Variants in NSMCE1 observed in about 807,000 individuals in gnomAD.
The protein encoded by NSMCE1 is NSE1 component of SMC5/6 complex.
Under a neutral mutation model 29.6 loss-of-function variants are expected in NSMCE1, and 18 were observed. The observed-to-expected ratio is 0.61, with a 90% CI of 0.42 to 0.90. The LOEUF (loss-of-function observed/expected upper bound fraction) is 0.90. Ranked by LOEUF, NSMCE1 falls within the 40% of genes least tolerant of loss-of-function variation. The pLI is 0.00. For missense variants in NSMCE1, 314 were observed against 343.6 expected (o/e 0.91, Z 0.68); for synonymous variants, 124 against 133.4 (o/e 0.93, Z 0.49).
At chr16:27,251,159 A>AAAATATATATATATAT (rs1474447881) in intron 2 of NSMCE1, among the ~76,000 whole-genome samples, 2 of 65,780 alleles carry the variant, frequency 3.0e-5, no homozygotes, top group African/African-American at 8.5e-5. Flanking sequence ...AATTATTTAA[A>AAAATATATATATATAT]ATATATATAT....
chr16:27,243,010 T>C (rs1006766908), intron 2 of NSMCE1, among the ~76,000 whole-genome samples: 3 of 152,198 alleles, frequency 2.0e-5, no homozygotes, highest in Non-Finnish European at 2.9e-5. Flanking sequence ...ACAAATCTGA[T>C]GCCTACAGAG....
chr16:27,226,050 A>G, intron 6 of NSMCE1: 1 of 551,462 alleles, frequency 1.8e-6, no homozygotes, highest in Non-Finnish European at 3.2e-6. Context: ...GTTTTACTAA[A>G]CAATTCTGAA....
intron 2 of NSMCE1, among the ~76,000 whole-genome samples, chr16:27,247,560 A>G (rs77183237): frequency 0.021 from 3,247 of 152,158 alleles, 115 homozygotes; most frequent in African/African-American, 0.073. Context: ...TCCCTCCTCT[A>G]TGCCATCCCC....
At chr16:27,251,203 T>TAAAA (rs2084031108) in intron 2 of NSMCE1, among the ~76,000 whole-genome samples, 1 of 73,094 alleles carries the variant, frequency 1.4e-5, no homozygotes, top group Non-Finnish European at 2.6e-5. Flanking sequence ...TATATATATA[T>TAAAA]ATATAAAACT....
At chr16:27,231,768 G>A (rs1378528791) in intron 5 of NSMCE1, among the ~76,000 whole-genome samples, 1 of 152,116 alleles carries the variant, frequency 6.6e-6, no homozygotes, top group Non-Finnish European at 1.5e-5. Context: ...CTGTGACAAA[G>A]CCATTGATGG....
intron 5 of NSMCE1, among the ~76,000 whole-genome samples, chr16:27,229,562 G>A (rs930579533): frequency 5.9e-5 from 9 of 152,158 alleles, no homozygotes; most frequent in African/African-American, 1.2e-4. Context: ...ACTGAGGCAG[G>A]AGCTGCATTT....
intron 5 of NSMCE1, 86 bp from the exon 6 acceptor site, chr16:27,226,922 A>G: frequency 2.4e-6 from 2 of 849,772 alleles, no homozygotes; most frequent in East Asian, 2.4e-5. Context: ...CCCACAGCCC[A>G]GTGCTCAGGA....
At chr16:27,265,924 T>G (rs538734141) in intron 1 of NSMCE1, among the ~76,000 whole-genome samples, 1 of 152,276 alleles carries the variant, frequency 6.6e-6, no homozygotes, top group African/African-American at 2.4e-5. Flanking sequence ...GCGGTGGTTA[T>G]CTTTGAGGAG....
chr16:27,241,777 A>C (rs1455039870), intron 2 of NSMCE1: 5 of 431,314 alleles, frequency 1.2e-5, no homozygotes, highest in African/African-American at 8.1e-5. Flanking sequence ...CATTCACTAC[A>C]CGCTGCAGCG....
rs771047011 is a variant in NSMCE1 at position 27,225,014 on chromosome 16, G to T, written c.*143C>A. ...CGGGCTGCAGCAACTTCCCAGGATG[G>T]TTTATTCCAAAGCTGTGGACGGTGA... On this transcript the variant is annotated 3_prime_UTR_variant, in exon 8 of 8. Transcript: ENST00000361439. 6 of 612,308 alleles carry T rather than the reference G, an allele frequency of 9.8e-6. No homozygotes were observed. The highest frequency in any genetic ancestry group is 5.6e-5 in the African/African-American group (3 of 54,038). The allele number at this position is 612,308 out of a possible 1,614,324, so 37.9% of individuals were successfully genotyped here.
At chr16:27,244,894 G>A (rs1027412350) in intron 2 of NSMCE1, among the ~76,000 whole-genome samples, 10 of 152,212 alleles carry the variant, frequency 6.6e-5, no homozygotes, top group Non-Finnish European at 1.5e-4. Flanking sequence ...TCCACGAACC[G>A]AGGAAGATGT....
chr16:27,253,188 C>T (rs2084052990), intron 2 of NSMCE1, among the ~76,000 whole-genome samples: 1 of 152,158 alleles, frequency 6.6e-6, no homozygotes, highest in African/African-American at 2.4e-5. Flanking sequence ...ATTATCAAAT[C>T]CAAAGAGGGA....
Position 27,225,843 on chromosome 16 carries a change from G to T in NSMCE1, c.604C>A (p.Gln202Lys). Reference protein sequence around the residue: ...NICHSLLIQGQSCETCGIRMH... With the variant: ...NICHSLLIQGKSCETCGIRMH... The stretch of plus-strand genomic sequence containing the variant: ...CTGATCCCACAGGTTTCGCAGCTTT[G>T]ACCCTGAAACAGGAAAGGCCAATGA... Residue 202 changes from glutamine (Q) to lysine (K), a missense_variant, in exon 7 of 8, where the codon CAA becomes AAA. Coordinates refer to ENST00000361439, the MANE Select transcript of NSMCE1 (RefSeq NM_145080.4). 2 of 1,614,032 alleles carry T rather than the reference G, an allele frequency of 1.2e-6. No individual in the cohort carries two copies. Among genetic ancestry groups the T allele is most frequent in the South Asian group, 2.2e-5 (2 of 91,052 alleles).
At chr16:27,236,325 G>C (rs2083824900) in intron 2 of NSMCE1, among the ~76,000 whole-genome samples, 1 of 130,984 alleles carries the variant, frequency 7.6e-6, no homozygotes, top group Non-Finnish European at 1.5e-5. Context: ...TTGAGACAGA[G>C]TCTTGCTCTC....
intron 2 of NSMCE1, among the ~76,000 whole-genome samples, chr16:27,252,022 T>C (rs2084040411): frequency 6.6e-6 from 1 of 152,182 alleles, no homozygotes; most frequent in Admixed American, 6.5e-5. Context: ...AGAAACTTTC[T>C]AAAGGCACTG....
At chr16:27,254,384 T>C (rs910080737) in intron 2 of NSMCE1, among the ~76,000 whole-genome samples, 30 of 152,312 alleles carry the variant, frequency 2.0e-4, no homozygotes, top group African/African-American at 7.2e-4. Flanking sequence ...TACAGGACTT[T>C]CCTAAATTAG....
chr16:27,226,946 T>TTTTCTTGTGTCTTTTC (rs1279345993), intron 5 of NSMCE1, 110 bp from the exon 6 acceptor site: 9 of 719,424 alleles, frequency 1.3e-5, no homozygotes, highest in Admixed American at 2.2e-5. Flanking sequence ...CACAAGGGTC[T>TTTTCTTGTGTCTTTTC]ACGCAGCTTT....
chr16:27,254,555 C>T (rs764041776), intron 2 of NSMCE1, among the ~76,000 whole-genome samples: 8 of 152,130 alleles, frequency 5.3e-5, no homozygotes, highest in East Asian at 1.9e-4. Flanking sequence ...ACTAAATTGT[C>T]GTGTAAATAA....
intron 2 of NSMCE1, among the ~76,000 whole-genome samples, chr16:27,252,507 G>C (rs1290525809): frequency 3.3e-5 from 5 of 152,208 alleles, no homozygotes; most frequent in African/African-American, 1.2e-4. Flanking sequence ...AACTGGGCTG[G>C]GTGCAGTGGC....
Sources: allele counts gnomAD v4.1 joint callset (sites outside exome capture counted in the v4.1 genomes callset), GRCh38; gene constraint gnomAD v4.1.1; transcripts MANE v1.5; gene names NCBI Gene and HGNC (gene_info 2026-07-23, HGNC 2026-07-21).